Variants in CNGB3 observed in about 807,000 individuals in gnomAD.
The protein encoded by CNGB3 is cyclic nucleotide-gated channel beta-3.
CNGB3 carries 86 observed loss-of-function variants against 92.8 expected under a neutral mutation model. The observed-to-expected ratio is 0.93, with a 90% CI of 0.78 to 1.11. The LOEUF (loss-of-function observed/expected upper bound fraction) is 1.11, where lower values mean the gene tolerates loss of function less well. Ranked by LOEUF, CNGB3 falls within the 50% of genes least tolerant of loss-of-function variation. The pLI, the probability that CNGB3 is intolerant of heterozygous loss-of-function variation, is 0.00. For synonymous variants in CNGB3, 333 were observed against 332.7 expected, an observed-to-expected ratio of 1.00 and a Z score of -0.01; for missense variants, 1,026 against 956.8, an observed-to-expected ratio of 1.07 and a Z score of -0.95.
At chr8:86,647,919 T>A in intron 7 of CNGB3, 32 bp from the exon 8 acceptor site, 2 of 1,249,252 alleles carry the variant, frequency 1.6e-6, no homozygotes, top group Non-Finnish European at 2.4e-6. Context: ...AAATATGTTG[T>A]GTTTACATGC....
intron 3 of CNGB3, among the ~76,000 whole-genome samples, chr8:86,673,164 G>GTGT (rs1823895434): frequency 6.6e-6 from 1 of 152,176 alleles, no homozygotes; most frequent in Admixed American, 6.5e-5. Flanking sequence ...GTTTAATGGG[G>GTGT]GAAACAAGGA....
At chr8:86,659,183 C>T (rs1426035243) in intron 6 of CNGB3, 4 of 713,740 alleles carry the variant, frequency 5.6e-6, no homozygotes, top group African/African-American at 3.5e-5. Flanking sequence ...TGTGCACCTG[C>T]TCTGACATCG....
At chr8:86,673,953 A>C (rs1823915642) in intron 3 of CNGB3, among the ~76,000 whole-genome samples, 2 of 152,172 alleles carry the variant, frequency 1.3e-5, no homozygotes, top group African/African-American at 4.8e-5. Flanking sequence ...TGTGTATAAC[A>C]CCATCATAGA....
rs188724178 is a variant in CNGB3 at position 86,726,654 on chromosome 8, T to C, written c.215A>G (p.Lys72Arg). 1 of 1,613,686 alleles carries C rather than the reference T, an allele frequency of 6.2e-7. No homozygotes were observed. The highest frequency in any genetic ancestry group is 2.2e-5 in the East Asian group (1 of 44,878). The change falls in exon 3 of 18, where the codon AAA becomes AGA. Residue 72 changes from lysine to arginine, a missense_variant. Lys to Arg is a conservative substitution (Grantham distance 26). Coordinates refer to ENST00000320005, the MANE Select transcript of CNGB3 (RefSeq NM_019098.5). ...TCCAGAGGAATTTTTCTTGGAGAGT[T>C]TGTCTATGAAAAAAAAATTCACATA... ...SEEPHTNIQD[K>R]LSKKNSSGDL...
At chr8:86,591,924 C>G (rs12544810) in intron 15 of CNGB3, among the ~76,000 whole-genome samples, 43,275 of 151,880 alleles carry the variant, frequency 0.28, 6,436 homozygotes, top group Admixed American at 0.42. Flanking sequence ...CAATGGCGGG[C>G]GCCCCTCCCC....
chr8:86,693,757 TG>T (rs1014625497), intron 3 of CNGB3, among the ~76,000 whole-genome samples: 7 of 151,680 alleles, frequency 4.6e-5, no homozygotes, highest in African/African-American at 1.7e-4. Flanking sequence ...AGCACAGGGT[TG>T]GGGGTAAGGT....
chr8:86,604,035 G>C (rs1361419800), intron 15 of CNGB3, 58 bp downstream of exon 15: 1 of 1,136,556 alleles, frequency 8.8e-7, no homozygotes, highest in Admixed American at 1.7e-5. Flanking sequence ...TACTACCTAA[G>C]ACTTTTCTTT....
chr8:86,580,297 C>A (rs1290054418), intron 15 of CNGB3, among the ~76,000 whole-genome samples: 1 of 152,102 alleles, frequency 6.6e-6, no homozygotes, highest in Admixed American at 6.5e-5. Flanking sequence ...GGTGGGGACA[C>A]AAAGCCAAAC....
In CNGB3 at chr8:86,643,780, AG is replaced by A. The variant is rs397515360; in HGVS notation, c.1148del (p.Thr383IlefsTer13). On this transcript the variant is annotated frameshift_variant, in exon 10 of 18. Transcript: ENST00000320005. LOFTEE classifies it high-confidence loss of function. ...WASNYEGIGT[T>X]RWVYDGEGNE... ...TTCCTTCCCCATCATACACCCATCTAGTAGTGCCAATTCCTTCATAGTTTGA... is the reference window on the plus strand; with the variant it reads ...TTCCTTCCCCATCATACACCCATCTATAGTGCCAATTCCTTCATAGTTTGA... The A allele has an allele frequency of 2.3e-3, 3,651 of 1,606,146 alleles. 7 individuals carry two copies. The highest frequency in any genetic ancestry group is 2.7e-3 in the Non-Finnish European group (3,214 of 1,175,250).
intron 15 of CNGB3, among the ~76,000 whole-genome samples, chr8:86,589,281 A>G (rs1403288393): frequency 6.6e-6 from 1 of 150,962 alleles, no homozygotes; most frequent in African/African-American, 2.4e-5. Context: ...GATCCTTTCA[A>G]AAAACCAGAT....
chr8:86,643,049 T>C (rs1290621823), intron 10 of CNGB3, among the ~76,000 whole-genome samples: 1 of 151,292 alleles, frequency 6.6e-6, no homozygotes, highest in Non-Finnish European at 1.5e-5. Flanking sequence ...TCAAACTTTT[T>C]TGATCATGAT....
intron 1 of CNGB3, 136 bp from the exon 2 acceptor site, chr8:86,739,872 T>C (rs1347478486): frequency 9.3e-7 from 1 of 1,070,838 alleles, no homozygotes; most frequent in Non-Finnish European, 1.4e-6. Context: ...CTAAAAATGA[T>C]TCTTGCATTT....
intron 6 of CNGB3, chr8:86,659,232 A>C: frequency 1.3e-6 from 1 of 745,802 alleles, no homozygotes; most frequent in Non-Finnish European, 2.4e-6. Flanking sequence ...CCCTCCTTTC[A>C]GATTTTCAGT....
At chr8:86,605,737 C>T (rs1261111946) in intron 14 of CNGB3, among the ~76,000 whole-genome samples, 3 of 152,196 alleles carry the variant, frequency 2.0e-5, no homozygotes, top group African/African-American at 7.2e-5. Flanking sequence ...ATAGGAAACA[C>T]TCATTTATGA....
At chr8:86,712,701 G>T (rs1211230193) in intron 3 of CNGB3, among the ~76,000 whole-genome samples, 1 of 150,824 alleles carries the variant, frequency 6.6e-6, no homozygotes, top group African/African-American at 2.4e-5. Flanking sequence ...TATAATATCT[G>T]GTAGGAATAC....
chr8:86,612,518 G>T (rs1822541502), intron 13 of CNGB3, among the ~76,000 whole-genome samples: 1 of 152,284 alleles, frequency 6.6e-6, no homozygotes. Context: ...AGAGTCAGTG[G>T]CAGAGAAAGG....
intron 11 of CNGB3, among the ~76,000 whole-genome samples, chr8:86,632,062 G>A (rs1822972698): frequency 6.6e-6 from 1 of 151,984 alleles, no homozygotes; most frequent in South Asian, 2.1e-4. Flanking sequence ...AGCTTGGTGT[G>A]GTGGGGTGCA....
chr8:86,667,026 G>T lies in CNGB3; in HGVS notation c.751C>A (p.His251Asn), dbSNP rs780149372. 10 of 1,613,884 alleles carry T rather than the reference G, an allele frequency of 6.2e-6. No homozygotes were observed. The East Asian group carries it at 2.2e-4, about 36-fold the overall frequency. The change falls in exon 6 of 18, where the codon CAC becomes AAC. Residue 251 changes from histidine to asparagine, a missense_variant. By Grantham distance (68) the His-to-Asn change is moderately conservative. Transcript: ENST00000320005. The stretch of plus-strand genomic sequence containing the variant: ...ATGATGTCCGCAATAAGCCAGTAGT[G>T]TATGTTGTCTGCGGTTTGATATGGG... ...VFPYQTADNIHYWLIADIICD... is the reference protein window; with the variant it reads ...VFPYQTADNINYWLIADIICD...
At chr8:86,691,212 T>A (rs1388568473) in intron 3 of CNGB3, among the ~76,000 whole-genome samples, 1 of 152,192 alleles carries the variant, frequency 6.6e-6, no homozygotes, top group Non-Finnish European at 1.5e-5. Flanking sequence ...CTGATTTGTG[T>A]ACATTTATTT....
Sources: allele counts gnomAD v4.1 joint callset (sites outside exome capture counted in the v4.1 genomes callset), GRCh38; gene constraint gnomAD v4.1.1; transcripts MANE v1.5; gene names NCBI Gene and HGNC (gene_info 2026-07-23, HGNC 2026-07-21).